The following PHACTR1 variants were observed in gnomAD, a reference collection of about 807,000 sequenced individuals.
PHACTR1 encodes the protein phosphatase and actin regulator 1, also known as RPEL repeat containing 1.
Under a neutral mutation model 69.2 loss-of-function variants are expected in PHACTR1, and 16 were observed. That is an observed-to-expected ratio of 0.23 (90% CI 0.16 to 0.35). PHACTR1 has a LOEUF of 0.35. PHACTR1 is among the 10% of genes least tolerant of loss of function. The pLI, the probability that PHACTR1 is intolerant of heterozygous loss-of-function variation, is 1.00. For synonymous variants in PHACTR1, 312 were observed against 284.5 expected, an observed-to-expected ratio of 1.10 and a Z score of -0.97; for missense variants, 510 against 734.7, an observed-to-expected ratio of 0.69 and a Z score of 3.54.
At chr6:12,747,091 C>T (rs113854099) in intron 3 of PHACTR1, among the ~76,000 whole-genome samples, 2 of 152,132 alleles carry the variant, frequency 1.3e-5, no homozygotes, top group Admixed American at 6.5e-5. Context: ...GAAGAGGAGG[C>T]CTTCACTTTA....
chr6:13,211,915 A>AAAAC (rs1562002689), intron 8 of PHACTR1, among the ~76,000 whole-genome samples: 6 of 151,894 alleles, frequency 4.0e-5, no homozygotes, highest in Non-Finnish European at 1.5e-5. Flanking sequence ...GCCATTTAAA[A>AAAAC]ACACACACAC....
At position 12,985,541 on chromosome 6, in the gene PHACTR1, A is replaced by ATAT. The variant is rs1554186434; in HGVS notation, c.251-67824_251-67823insTAT. 8.5e-3 allele frequency among the ~76,000 whole-genome samples: 1,127 copies of ATAT among 132,724 alleles called. 7 individuals carry two copies. The highest frequency in any genetic ancestry group is 0.016 in the African/African-American group (549 of 34,686). 87.1% of individuals were successfully genotyped at this position (132,724 alleles called of 152,430 possible). ...AGTACTACAAATTAAAAAAAAAAAA[A>ATAT]ATATATATATATATATATATACACA... On this transcript the variant is annotated intron_variant, in intron 4 of 14. Coordinates refer to ENST00000332995, the MANE Select transcript of PHACTR1 (RefSeq NM_030948.6).
At chr6:12,770,758 A>G (rs1769279959) in intron 4 of PHACTR1, among the ~76,000 whole-genome samples, 1 of 152,196 alleles carries the variant, frequency 6.6e-6, no homozygotes, top group Admixed American at 6.5e-5. Context: ...GTGATGTAGC[A>G]TAAGAGCTTG....
intron 9 of PHACTR1, 126 bp downstream of exon 9, chr6:13,228,189 G>A: frequency 8.1e-7 from 1 of 1,242,234 alleles, no homozygotes; most frequent in Non-Finnish European, 1.1e-6. Flanking sequence ...CTGGTCCTGG[G>A]TCGTAGGGCA....
chr6:12,979,274 A>G (rs1795228456), intron 4 of PHACTR1, among the ~76,000 whole-genome samples: 1 of 152,238 alleles, frequency 6.6e-6, no homozygotes, highest in Admixed American at 6.5e-5. Flanking sequence ...CACTTTGGGC[A>G]GATTCCCTCT....
At chr6:13,129,940 A>G (rs1443505819) in intron 5 of PHACTR1, among the ~76,000 whole-genome samples, 1 of 152,172 alleles carries the variant, frequency 6.6e-6, no homozygotes, top group Non-Finnish European at 1.5e-5. Flanking sequence ...GAAAATTGAA[A>G]GTACCCCAAG....
rs184488068 is a variant in PHACTR1, at chr6:13,059,832, G to A, written c.415+6303G>A. 4.9e-4 allele frequency among the ~76,000 whole-genome samples: 75 copies of A among 152,190 alleles called. No individual in the cohort carries two copies. In the Middle Eastern group the frequency reaches 0.01, roughly 21 times the overall value. The stretch of plus-strand genomic sequence containing the variant: ...AACTTTGTGATATCCAGAGTTGGCA[G>A]TTGAATATGTGGAATGAAAAAGAGA... On this transcript the variant is annotated intron_variant, in intron 5 of 14. Coordinates refer to ENST00000332995, the MANE Select transcript of PHACTR1 (RefSeq NM_030948.6).
intron 5 of PHACTR1, among the ~76,000 whole-genome samples, chr6:13,091,892 A>G (rs1164720577): frequency 1.3e-5 from 2 of 151,978 alleles, no homozygotes; most frequent in Non-Finnish European, 2.9e-5. Flanking sequence ...CTGCCTCCTG[A>G]GTTCAAGCTG....
rs573221208 is a variant in PHACTR1, at chr6:13,272,478, T to A, written c.1392-382T>A. On this transcript the variant is annotated intron_variant, in intron 10 of 14. Transcript: ENST00000332995. ...AAGAGGCAGGAGACAGGCTTTAGCC[T>A]CAAGGGAGGGAGAGAGAGGCAAGAG... 1.7e-3 allele frequency: 528 copies of A among 319,918 alleles called. 4 individuals carry two copies. Among genetic ancestry groups the A allele is most frequent in the African/African-American group, 9.9e-3 (464 of 46,670 alleles). The allele number at this position is 319,918 out of a possible 1,614,324, so 19.8% of individuals were successfully genotyped here.
intron 4 of PHACTR1, among the ~76,000 whole-genome samples, chr6:13,032,597 G>A (rs1158681662): frequency 3.3e-5 from 5 of 152,132 alleles, no homozygotes; most frequent in African/African-American, 1.2e-4. Flanking sequence ...TTTATTGTTT[G>A]AGAATATGGA....
chr6:12,806,518 A>G (rs1774349867), intron 4 of PHACTR1, among the ~76,000 whole-genome samples: 1 of 151,892 alleles, frequency 6.6e-6, no homozygotes, highest in East Asian at 1.9e-4. Flanking sequence ...GGGTCTTGTT[A>G]TGTTGCCCAG....
intron 10 of PHACTR1, chr6:13,264,964 G>C (rs1184446123): frequency 6.6e-6 from 1 of 151,908 alleles, no homozygotes; most frequent in Non-Finnish European, 1.5e-5. Flanking sequence ...TGAGGCTGCA[G>C]TGAGCCAAGG....
At chr6:13,208,381 A>C (rs1170302810) in intron 8 of PHACTR1, among the ~76,000 whole-genome samples, 1 of 152,242 alleles carries the variant, frequency 6.6e-6, no homozygotes, top group Non-Finnish European at 1.5e-5. Context: ...CTTGTCATTA[A>C]AAAGGGCTTC....
At chr6:13,211,919 C>A (rs976646877) in intron 8 of PHACTR1, among the ~76,000 whole-genome samples, 5 of 152,100 alleles carry the variant, frequency 3.3e-5, no homozygotes, top group African/African-American at 7.2e-5. Context: ...TTTAAAAACA[C>A]ACACACACAC....
intron 3 of PHACTR1, among the ~76,000 whole-genome samples, chr6:12,722,518 C>T (rs959478467): frequency 2.6e-5 from 4 of 151,972 alleles, no homozygotes; most frequent in South Asian, 2.1e-4. Context: ...GAATAGAGGA[C>T]GTTTTAGCTA....
intron 4 of PHACTR1, among the ~76,000 whole-genome samples, chr6:12,815,344 T>A (rs1345001611): frequency 1.3e-5 from 2 of 152,072 alleles, no homozygotes; most frequent in African/African-American, 2.4e-5. Context: ...AAGATTCCTA[T>A]CTCTGTTGAG....
intron 5 of PHACTR1, among the ~76,000 whole-genome samples, chr6:13,152,005 G>A (rs1824385043): frequency 6.6e-6 from 1 of 151,982 alleles, no homozygotes; most frequent in Admixed American, 6.6e-5. Flanking sequence ...TTCCACCAAG[G>A]AGAATGAGCC....
chr6:13,126,540 G>T (rs1247263160), intron 5 of PHACTR1, among the ~76,000 whole-genome samples: 1 of 152,186 alleles, frequency 6.6e-6, no homozygotes, highest in African/African-American at 2.4e-5. Flanking sequence ...GAACCAAAAA[G>T]GCGGCCCACA....
At chr6:12,821,779 T>C (rs1271122846) in intron 4 of PHACTR1, among the ~76,000 whole-genome samples, 1 of 152,230 alleles carries the variant, frequency 6.6e-6, no homozygotes, top group Non-Finnish European at 1.5e-5. Flanking sequence ...AAAACATCTC[T>C]AGATATTATT....
Sources: gnomAD v4.1 joint callset for allele counts (sites outside exome capture counted in the v4.1 genomes callset) on GRCh38, gnomAD v4.1.1 for gene constraint, MANE v1.5 for transcripts, NCBI Gene and HGNC (gene_info 2026-07-23, HGNC 2026-07-21) for gene names.